Variants in UNC5C observed in about 807,000 individuals in gnomAD.
The protein encoded by UNC5C is unc-5 netrin receptor C, also known as netrin receptor UNC5C.
In UNC5C, 47 loss-of-function variants were observed where a neutral mutation model predicts 99.8. The observed-to-expected ratio is 0.47, with a 90% CI of 0.37 to 0.60. The LOEUF is 0.60. UNC5C is among the 20% of genes least tolerant of loss of function. UNC5C has a pLI of 0.00. For synonymous variants in UNC5C, 487 were observed against 452.2 expected, an observed-to-expected ratio of 1.08 and a Z score of -0.98; for missense variants, 1,062 against 1,165.9, an observed-to-expected ratio of 0.91 and a Z score of 1.30.
intron 1 of UNC5C, among the ~76,000 whole-genome samples, chr4:95,377,864 AT>A (rs1350796357): frequency 6.6e-6 from 1 of 152,160 alleles, no homozygotes; most frequent in African/African-American, 2.4e-5. Context: ...GTTAGACAAT[AT>A]GTATAAGCAG....
Position 95,219,016 on chromosome 4 carries a change from A to G in UNC5C, c.1598T>C (p.Phe533Ser), listed in dbSNP as rs777280898. Reference sequence around the variant, plus strand: ...ACCTCCCAGCGAGTTGAAGCTGCCAAATGCGGTACAGGATGGATCAGTCTG... The same window carrying G: ...ACCTCCCAGCGAGTTGAAGCTGCCAGATGCGGTACAGGATGGATCAGTCTG... ...ARQTDPSCTAFGSFNSLGGHL... is the reference protein window; with the variant it reads ...ARQTDPSCTASGSFNSLGGHL... Residue 533 changes from phenylalanine (F) to serine (S), a missense_variant, in exon 9 of 16, where the codon TTT (phenylalanine) becomes TCT (serine). Phe to Ser is a radical substitution (Grantham distance 155). Transcript: ENST00000453304. The G allele has an allele frequency of 6.8e-6, 11 of 1,613,548 alleles. No homozygotes were observed. The East Asian group carries it at 2.5e-4, about 36-fold the overall frequency.
intron 2 of UNC5C, among the ~76,000 whole-genome samples, chr4:95,319,046 T>C (rs751675725): frequency 1.4e-4 from 22 of 152,242 alleles, no homozygotes; most frequent in Non-Finnish European, 3.1e-4. Context: ...GTTATGTCTC[T>C]ACTTACAGCA....
At chr4:95,234,773 G>T (rs1007346278) in intron 7 of UNC5C, among the ~76,000 whole-genome samples, 1 of 152,056 alleles carries the variant, frequency 6.6e-6, no homozygotes, top group Non-Finnish European at 1.5e-5. Flanking sequence ...ACTTTATCCA[G>T]TGTAATACAT....
At chr4:95,236,198 T>A (rs1408250748) in intron 7 of UNC5C, among the ~76,000 whole-genome samples, 1 of 152,120 alleles carries the variant, frequency 6.6e-6, no homozygotes, top group African/African-American at 2.4e-5. Flanking sequence ...TGTCCAACAA[T>A]GATAGACTGG....
intron 1 of UNC5C, among the ~76,000 whole-genome samples, chr4:95,522,312 A>G (rs1299843356): frequency 6.6e-6 from 1 of 152,156 alleles, no homozygotes; most frequent in South Asian, 2.1e-4. Flanking sequence ...CAGGAGCTTT[A>G]AACAATCGAT....
chr4:95,532,117 G>T (rs1722661832), intron 1 of UNC5C, among the ~76,000 whole-genome samples: 1 of 152,084 alleles, frequency 6.6e-6, no homozygotes, highest in African/African-American at 2.4e-5. Context: ...AATTGTCTGG[G>T]GTTTATTTGC....
At chr4:95,190,641 C>G (rs950236465) in intron 12 of UNC5C, among the ~76,000 whole-genome samples, 2 of 152,126 alleles carry the variant, frequency 1.3e-5, no homozygotes. Context: ...TCTATCTGCA[C>G]CCCTCTAACT....
chr4:95,262,557 T>C (rs1452834693), intron 4 of UNC5C, among the ~76,000 whole-genome samples: 1 of 152,172 alleles, frequency 6.6e-6, no homozygotes, highest in African/African-American at 2.4e-5. Context: ...AAAAGCTGTA[T>C]TTCCAATAAA....
intron 1 of UNC5C, among the ~76,000 whole-genome samples, chr4:95,403,631 A>G (rs1264291788): frequency 3.3e-5 from 5 of 152,204 alleles, no homozygotes; most frequent in African/African-American, 9.7e-5. Flanking sequence ...CGTAGCAGCT[A>G]CAGATGGATT....
chr4:95,413,169 G>A (rs765909907), intron 1 of UNC5C, among the ~76,000 whole-genome samples: 1 of 152,098 alleles, frequency 6.6e-6, no homozygotes, highest in African/African-American at 2.4e-5. Context: ...CTGATTTACA[G>A]CTTTCCTTGA....
intron 7 of UNC5C, among the ~76,000 whole-genome samples, chr4:95,224,839 G>A (rs1161016650): frequency 2.1e-5 from 3 of 140,258 alleles, no homozygotes; most frequent in Non-Finnish European, 1.5e-5. Flanking sequence ...CCAACTTAGG[G>A]AATTAAGGAA....
rs550058536 is a variant in UNC5C at position 95,518,607 on chromosome 4, T to G, written c.124+30127A>C. 5.9e-5 allele frequency among the ~76,000 whole-genome samples: 9 copies of G among 152,316 alleles called. No homozygotes were observed. The South Asian group carries it at 1.9e-3, about 32-fold the overall frequency. ...AGTAGTTCACCTTGGAAGAGACTTA[T>G]ACATAATTTTCAATATGCAGAATAA... On this transcript the variant is annotated intron_variant, in intron 1 of 15. Coordinates refer to ENST00000453304, the MANE Select transcript of UNC5C (RefSeq NM_003728.4).
At chr4:95,427,453 C>T (rs144765621) in intron 1 of UNC5C, among the ~76,000 whole-genome samples, 16 of 152,184 alleles carry the variant, frequency 1.1e-4, no homozygotes, top group Admixed American at 7.2e-4. Flanking sequence ...TCAGTTGTTG[C>T]GGCAAACTTC....
chr4:95,373,754 G>A (rs1467348656), intron 1 of UNC5C, among the ~76,000 whole-genome samples: 3 of 152,250 alleles, frequency 2.0e-5, no homozygotes, highest in South Asian at 2.1e-4. Flanking sequence ...GAAAGACACT[G>A]ATTCATTTTA....
In UNC5C at chr4:95,167,698, T is replaced by C. The variant is rs10516959; in HGVS notation, c.*1536A>G. ...CTCAGTGAACAGCATAATGCAATGA[T>C]GCAGAGCGACTCAGGCCAAACAAAC... On this transcript the variant is annotated 3_prime_UTR_variant, in exon 16 of 16. Coordinates refer to ENST00000453304, the MANE Select transcript of UNC5C (RefSeq NM_003728.4). 10,363 of 152,318 alleles carry C rather than the reference T, an allele frequency of 0.068. 725 individuals are homozygous for C. Among genetic ancestry groups the C allele is most frequent in the African/African-American group, 0.18 (7,389 of 41,552 alleles). The allele number at this position is 152,318 out of a possible 1,614,324, so 9.4% of individuals were successfully genotyped here.
chr4:95,313,548 A>G (rs1158724915), intron 2 of UNC5C, among the ~76,000 whole-genome samples: 2 of 152,186 alleles, frequency 1.3e-5, no homozygotes, highest in Admixed American at 6.5e-5. Flanking sequence ...GAAACCAGGT[A>G]TATGTATCCA....
chr4:95,181,378 C>A (rs530910732), intron 14 of UNC5C, among the ~76,000 whole-genome samples: 68 of 152,312 alleles, frequency 4.5e-4, no homozygotes, highest in African/African-American at 1.6e-3. Context: ...GAGCACAGAG[C>A]AGCTCTCTTT....
chr4:95,528,910 A>C (rs1722564924), intron 1 of UNC5C, among the ~76,000 whole-genome samples: 1 of 152,206 alleles, frequency 6.6e-6, no homozygotes, highest in Non-Finnish European at 1.5e-5. Context: ...GTTCTTATTA[A>C]AGGCAATGAA....
intron 4 of UNC5C, 112 bp downstream of exon 4, chr4:95,278,147 C>A: frequency 1.1e-6 from 1 of 871,524 alleles, no homozygotes. Flanking sequence ...GACTCTATTA[C>A]CAACCATTCA....
Sources: allele counts gnomAD v4.1 joint callset (sites outside exome capture counted in the v4.1 genomes callset), GRCh38; gene constraint gnomAD v4.1.1; transcripts MANE v1.5; gene names NCBI Gene and HGNC (gene_info 2026-07-23, HGNC 2026-07-21).